Variants in NRG3 observed in about 807,000 individuals in gnomAD.
NRG3 encodes the protein neuregulin 3, also known as pro-neuregulin-3, membrane-bound isoform.
NRG3 carries 31 observed loss-of-function variants against 66.9 expected under a neutral mutation model. The ratio of observed to expected loss-of-function variants is 0.46; its 90% CI spans 0.35 to 0.63. The LOEUF (loss-of-function observed/expected upper bound fraction) is 0.63. Among genes scored for constraint, NRG3 ranks in the 20% least tolerant of loss-of-function variants. The probability of loss-of-function intolerance (pLI) is 0.00; values close to 1 mark genes in which losing one functional copy is unlikely to be tolerated. For missense variants in NRG3, 910 were observed against 878.9 expected (o/e 1.04, Z -0.45); for synonymous variants, 393 against 359.4 (o/e 1.09, Z -1.06).
rs541673648 is a variant in NRG3, at chr10:82,222,509, C to G, written c.824-136230C>G. Among the ~76,000 whole-genome samples the G allele has an allele frequency of 2.0e-4, 30 of 152,256 alleles. 1 individual carries two copies. The highest frequency in any genetic ancestry group is 6.7e-4 in the African/African-American group (28 of 41,560). On this transcript the variant is annotated intron_variant, in intron 1 of 8. Coordinates refer to ENST00000372141, the MANE Select transcript of NRG3 (RefSeq NM_001010848.4). ...CCCAGTTGATTAGACCCCTGGGTTT[C>G]TGCTCTTGAGACATTGCCAGAGGCC...
intron 2 of NRG3, among the ~76,000 whole-genome samples, chr10:82,541,075 C>T (rs938999594): frequency 6.6e-6 from 1 of 152,248 alleles, no homozygotes; most frequent in Admixed American, 6.5e-5. Flanking sequence ...ATCAACCCTG[C>T]TGTCACCTTG....
At chr10:82,772,546 C>T (rs2059752420) in intron 3 of NRG3, among the ~76,000 whole-genome samples, 1 of 151,494 alleles carries the variant, frequency 6.6e-6, no homozygotes, top group Admixed American at 6.6e-5. Context: ...CTTTTTTTTC[C>T]AAATATTCCA....
intron 2 of NRG3, among the ~76,000 whole-genome samples, chr10:82,453,204 C>A (rs1046790691): frequency 2.0e-5 from 3 of 152,104 alleles, no homozygotes; most frequent in African/African-American, 7.2e-5. Context: ...TACACAGATT[C>A]ATTATTTTTA....
chr10:82,837,528 C>T (rs492629), intron 3 of NRG3, among the ~76,000 whole-genome samples: 33,152 of 151,630 alleles, frequency 0.22, 3,976 homozygotes, highest in East Asian at 0.33. Flanking sequence ...ATAAAGAAGA[C>T]GAAAAAATAA....
chr10:82,441,918 A>G (rs1016874010), intron 2 of NRG3, among the ~76,000 whole-genome samples: 36 of 152,174 alleles, frequency 2.4e-4, no homozygotes, highest in Admixed American at 2.2e-3. Context: ...CTTGTCCCTT[A>G]CAATTTTACT....
chr10:82,471,356 G>A (rs1045516312), intron 2 of NRG3, among the ~76,000 whole-genome samples: 1 of 151,908 alleles, frequency 6.6e-6, no homozygotes, highest in African/African-American at 2.4e-5. Context: ...AGGCTCTCTG[G>A]GGATCTCTTT....
chr10:82,654,330 CTG>C (rs2051677574), intron 2 of NRG3, among the ~76,000 whole-genome samples: 1 of 152,080 alleles, frequency 6.6e-6, no homozygotes, highest in South Asian at 2.1e-4. Context: ...TGCTCACTGA[CTG>C]TGTAGTGTTC....
intron 2 of NRG3, among the ~76,000 whole-genome samples, chr10:82,620,057 G>A (rs555347724): frequency 3.9e-5 from 6 of 152,248 alleles, no homozygotes; most frequent in African/African-American, 1.2e-4. Flanking sequence ...AATGCACTTT[G>A]GGCACCAGCA....
chr10:82,293,626 G>A (rs2079868904), intron 1 of NRG3, among the ~76,000 whole-genome samples: 1 of 152,084 alleles, frequency 6.6e-6, no homozygotes, highest in Non-Finnish European at 1.5e-5. Flanking sequence ...CAATGTGGGG[G>A]TCATTATATA....
chr10:82,508,908 G>C (rs1234956682), intron 2 of NRG3, among the ~76,000 whole-genome samples: 2 of 152,094 alleles, frequency 1.3e-5, no homozygotes, highest in African/African-American at 4.8e-5. Context: ...TTTATCAGGG[G>C]TTCCATTTTT....
chr10:82,914,494 G>A (rs1383333648), intron 4 of NRG3, among the ~76,000 whole-genome samples: 1 of 152,118 alleles, frequency 6.6e-6, no homozygotes, highest in East Asian at 1.9e-4. Flanking sequence ...AGTTACAGGT[G>A]TCAGAGGCTA....
intron 1 of NRG3, among the ~76,000 whole-genome samples, chr10:81,905,914 T>C (rs1018484): frequency 0.45 from 68,005 of 152,112 alleles, 18,730 homozygotes; most frequent in East Asian, 0.81. Flanking sequence ...ACTGTACAAA[T>C]GTAAATAGAC....
intron 1 of NRG3, among the ~76,000 whole-genome samples, chr10:82,303,559 A>C (rs2080535857): frequency 6.6e-6 from 1 of 152,198 alleles, no homozygotes; most frequent in Admixed American, 6.5e-5. Flanking sequence ...TGTTAATTAG[A>C]AGATGAGTAT....
Position 82,959,759 on chromosome 10 carries a change from T to A in NRG3, c.1284+684T>A, listed in dbSNP as rs762223974. ...GGTGGAGTTTCATAATCAATCCTTC[T>A]AATTCCAAGCCTTACAGAGATATCA... On this transcript the variant is annotated intron_variant, in intron 6 of 8. Coordinates refer to ENST00000372141, the MANE Select transcript of NRG3 (RefSeq NM_001010848.4). Among the ~76,000 whole-genome samples, 4 of 152,208 alleles carry A rather than the reference T, an allele frequency of 2.6e-5. No homozygotes were observed. In the South Asian group the frequency reaches 8.3e-4, roughly 32 times the overall value.
chr10:82,745,791 A>G (rs1232416134), intron 3 of NRG3, among the ~76,000 whole-genome samples: 3 of 152,148 alleles, frequency 2.0e-5, no homozygotes, highest in Admixed American at 6.5e-5. Flanking sequence ...AAAATTTCCT[A>G]TGGGTACCTG....
intron 4 of NRG3, among the ~76,000 whole-genome samples, chr10:82,941,995 T>TTGTGTGTG (rs3075660): frequency 2.0e-4 from 29 of 148,464 alleles, no homozygotes; most frequent in Non-Finnish European, 2.8e-4. Context: ...ACATATAGGT[T>TTGTGTGTG]TGTGTGTGTG....
At chr10:82,422,645 T>A (rs1033984142) in intron 2 of NRG3, among the ~76,000 whole-genome samples, 2 of 96,914 alleles carry the variant, frequency 2.1e-5, no homozygotes, top group Non-Finnish European at 3.8e-5. Context: ...TTTGTTTTGT[T>A]TTGTTTTGAA....
intron 3 of NRG3, among the ~76,000 whole-genome samples, chr10:82,779,037 T>C (rs1329469431): frequency 1.3e-5 from 2 of 152,060 alleles, no homozygotes; most frequent in Non-Finnish European, 2.9e-5. Context: ...AAGAATGCAG[T>C]GGCTACTTGT....
At chr10:82,131,519 G>C (rs1301924515) in intron 1 of NRG3, among the ~76,000 whole-genome samples, 1 of 44,754 alleles carries the variant, frequency 2.2e-5, no homozygotes, top group East Asian at 7.0e-4. Flanking sequence ...TGGGTATTCT[G>C]GGTCTTTTGT....
Sources: gnomAD v4.1 joint callset for allele counts (sites outside exome capture counted in the v4.1 genomes callset) on GRCh38, gnomAD v4.1.1 for gene constraint, MANE v1.5 for transcripts, NCBI Gene and HGNC (gene_info 2026-07-23, HGNC 2026-07-21) for gene names.